The following MYOC variants were observed in gnomAD, a reference collection of about 807,000 sequenced individuals.
MYOC encodes the protein myocilin.
Under a neutral mutation model 28.2 loss-of-function variants are expected in MYOC, and 29 were observed. That is an observed-to-expected ratio of 1.03 (90% CI 0.77 to 1.40). The LOEUF is 1.40. Ranked by LOEUF, MYOC falls within the 40% of genes most tolerant of loss-of-function variation. The pLI is 0.00. For missense variants in MYOC, 569 were observed against 620.6 expected (o/e 0.92, Z 0.88); for synonymous variants, 240 against 245.6 (o/e 0.98, Z 0.21).
chr1:171,641,472 C>T (rs1313268221), intron 1 of MYOC, among the ~76,000 whole-genome samples: 1 of 151,972 alleles, frequency 6.6e-6, no homozygotes, highest in Non-Finnish European at 1.5e-5. Flanking sequence ...GGTACCAGGC[C>T]CTGGGTGATT....
intron 1 of MYOC, among the ~76,000 whole-genome samples, chr1:171,640,194 T>G (rs2102946302): frequency 6.6e-6 from 1 of 152,160 alleles, no homozygotes; most frequent in East Asian, 1.9e-4. Context: ...TCAGTAGAAA[T>G]ATTCTGTCTG....
At chr1:171,638,766 G>C in intron 1 of MYOC, 44 bp from the exon 2 acceptor site, 1 of 1,609,368 alleles carries the variant, frequency 6.2e-7, no homozygotes. Context: ...AAGAAAAAAT[G>C]GCCCAAGGAT....
intron 1 of MYOC, among the ~76,000 whole-genome samples, chr1:171,642,887 T>TAAAAAAAAAAAAAAAAA (rs151128602): frequency 7.9e-6 from 1 of 126,142 alleles, no homozygotes. Context: ...TAGTCTATGT[T>TAAAAAAAAAAAAAAAAA]TAAAAAAAAA....
At position 171,636,597 on chromosome 1, in the gene MYOC, G is replaced by T; in HGVS notation, c.843C>A (p.Thr281=). 6.2e-7 allele frequency: 1 copy of T among 1,612,696 alleles called. No homozygotes were observed. Among genetic ancestry groups the T allele is most frequent in the East Asian group, 2.2e-5 (1 of 44,872 alleles). ...TGTCGATTCTCCACGTGGTCTCCTG[G>T]GTGTAGGGGTAGGTGGGCTTGGGGT... The part of the protein sequence containing the change: ...MRDPKPTYPY[T]QETTWRIDTV... The change falls in exon 3 of 3, where the codon ACC becomes ACA. Residue 281 remains threonine (T), a synonymous_variant. Transcript: ENST00000037502.
At chr1:171,648,631 T>TATATATATA (rs1653261044) in intron 1 of MYOC, among the ~76,000 whole-genome samples, 1 of 146,752 alleles carries the variant, frequency 6.8e-6, no homozygotes, top group South Asian at 2.1e-4. Context: ...ATATGTATTT[T>TATATATATA]ATTATATATA....
chr1:171,641,605 G>C (rs972797682), intron 1 of MYOC, among the ~76,000 whole-genome samples: 3 of 152,160 alleles, frequency 2.0e-5, no homozygotes, highest in Non-Finnish European at 4.4e-5. Flanking sequence ...CTAACCGTAG[G>C]AACTGGCTAC....
chr1:171,641,851 G>A (rs1653085503), intron 1 of MYOC, among the ~76,000 whole-genome samples: 1 of 152,190 alleles, frequency 6.6e-6, no homozygotes, highest in African/African-American at 2.4e-5. Flanking sequence ...GGGAAGACAT[G>A]TTCTGCCTTT....
rs1653328191 is a variant in MYOC, at chr1:171,650,465, T to C, written c.604+1543A>G. On this transcript the variant is annotated intron_variant, in intron 1 of 2. Coordinates refer to ENST00000037502, the MANE Select transcript of MYOC (RefSeq NM_000261.2). ...TCTAATTCTAACAATCTAAACATTT[T>C]TTAAAAATCCTTTACATCTTATAGG... Among the ~76,000 whole-genome samples, 2 of 152,224 alleles carry C rather than the reference T, an allele frequency of 1.3e-5. 1 individual carries two copies. The highest frequency in any genetic ancestry group is 4.1e-4 in the South Asian group (2 of 4,834).
rs762742212 is a variant in MYOC, at chr1:171,638,696, C to A, written c.631G>T (p.Ala211Ser). The change falls in exon 2 of 3, where the codon GCC (alanine) becomes TCC (serine). Residue 211 changes from alanine (A) to serine (S), a missense_variant. Transcript: ENST00000037502. The part of the protein sequence containing the change: ...EVSTWNLDTL[A>S]FQELKSELTE... The stretch of plus-strand genomic sequence containing the variant: ...AGCTCGGACTTCAGTTCCTGGAAGG[C>A]CAAAGTGTCCAAATTCCACGTAGAA... 7 of 1,614,128 alleles carry A rather than the reference C, an allele frequency of 4.3e-6. No homozygotes were observed. The highest frequency in any genetic ancestry group is 5.9e-6 in the Non-Finnish European group (7 of 1,180,008).
At chr1:171,643,807 C>G (rs1377897388) in intron 1 of MYOC, among the ~76,000 whole-genome samples, 2 of 147,108 alleles carry the variant, frequency 1.4e-5, no homozygotes, top group Non-Finnish European at 3.0e-5. Flanking sequence ...CCTGTCTCTA[C>G]TAAAAATACA....
chr1:171,646,867 A>G (rs1156413197), intron 1 of MYOC, among the ~76,000 whole-genome samples: 1 of 152,192 alleles, frequency 6.6e-6, no homozygotes, highest in Non-Finnish European at 1.5e-5. Flanking sequence ...CTATTACAAA[A>G]TTCTGGAAAT....
chr1:171,646,505 T>TC (rs1653210502), intron 1 of MYOC, among the ~76,000 whole-genome samples: 1 of 149,296 alleles, frequency 6.7e-6, no homozygotes, highest in East Asian at 1.9e-4. Flanking sequence ...TTTTTTGTTT[T>TC]TTTTTTTTTG....
intron 1 of MYOC, among the ~76,000 whole-genome samples, chr1:171,642,786 T>C (rs922746871): frequency 5.3e-5 from 8 of 151,500 alleles, no homozygotes; most frequent in African/African-American, 1.9e-4. Context: ...TCCATCCTTT[T>C]AGTCACATCA....
intron 1 of MYOC, among the ~76,000 whole-genome samples, chr1:171,649,736 A>C (rs235914): frequency 0.65 from 98,158 of 151,972 alleles, 31,840 homozygotes; most frequent in Middle Eastern, 0.75. Context: ...CAGAGGTTTC[A>C]GTGAGCCAAG....
chr1:171,648,936 C>G (rs543066758), intron 1 of MYOC, among the ~76,000 whole-genome samples: 1 of 151,100 alleles, frequency 6.6e-6, no homozygotes, highest in South Asian at 2.1e-4. Context: ...ATCTGTCCAC[C>G]TCGGCCTCCC....
intron 1 of MYOC, among the ~76,000 whole-genome samples, chr1:171,651,590 C>T (rs1179219338): frequency 6.6e-6 from 1 of 152,098 alleles, no homozygotes; most frequent in Admixed American, 6.5e-5. Context: ...TTATCATTTC[C>T]CAAATCTATT....
chr1:171,641,656 A>G (rs953834885), intron 1 of MYOC, among the ~76,000 whole-genome samples: 1 of 152,218 alleles, frequency 6.6e-6, no homozygotes, highest in Non-Finnish European at 1.5e-5. Context: ...CAAGGCCCAG[A>G]CAGCAAAGCA....
intron 2 of MYOC, among the ~76,000 whole-genome samples, chr1:171,637,980 A>G (rs1021761586): frequency 9.2e-5 from 14 of 152,220 alleles, no homozygotes; most frequent in African/African-American, 3.4e-4. Flanking sequence ...TGCTGCTCAT[A>G]TCTTAGAGAA....
At chr1:171,640,714 T>C (rs1261015287) in intron 1 of MYOC, among the ~76,000 whole-genome samples, 1 of 152,056 alleles carries the variant, frequency 6.6e-6, no homozygotes, top group East Asian at 1.9e-4. Context: ...AGCCCTGGCG[T>C]AGAGTGAGAC....
Sources: allele counts gnomAD v4.1 joint callset (sites outside exome capture counted in the v4.1 genomes callset), GRCh38; gene constraint gnomAD v4.1.1; transcripts MANE v1.5; gene names NCBI Gene and HGNC (gene_info 2026-07-23, HGNC 2026-07-21).